THSD7A: variants seen among roughly 807,000 people sequenced by gnomAD.
The protein encoded by THSD7A is thrombospondin type 1 domain containing 7A.
A neutral mutation model predicts 231.3 loss-of-function variants in THSD7A; 96 were observed. The ratio of observed to expected loss-of-function variants is 0.41; its 90% confidence interval spans 0.35 to 0.49. THSD7A has a LOEUF of 0.49. THSD7A is among the 20% of genes least tolerant of loss of function. The pLI is 0.05. For missense variants in THSD7A, 2,290 were observed against 2,070.2 expected (o/e 1.11, Z -2.06); for synonymous variants, 940 against 743.3 (o/e 1.26, Z -4.30).
At chr7:11,830,938 C>G (rs1246655326) in intron 1 of THSD7A, among the ~76,000 whole-genome samples, 1 of 152,132 alleles carries the variant, frequency 6.6e-6, no homozygotes, top group Admixed American at 6.5e-5. Flanking sequence ...AGTTTCAGGT[C>G]CCCTAAGGAA....
rs1783589384 is a variant in THSD7A, at chr7:11,406,554, CACT to C, written c.4063-83_4063-81del. ...GCTCATCACTTAGTTATCTCTGCAC[CACT>C]GACTTTGATTTATGAACATTTAGAG... On this transcript the variant is annotated intron_variant, in intron 21 of 27. Coordinates refer to ENST00000423059, the MANE Select transcript of THSD7A (RefSeq NM_015204.3). The surrounding 1 kb of genome is among the most constrained non-coding windows in gnomAD (Gnocchi z 4.7). The C allele has an allele frequency of 2.2e-6, 3 of 1,377,720 alleles. No homozygotes were observed. In the South Asian group the frequency reaches 4.6e-5, roughly 21 times the overall value. The allele number at this position is 1,377,720 out of a possible 1,614,324, so 85.3% of individuals were successfully genotyped here. A position where few individuals can be genotyped will look rare whatever the true frequency, so the allele number is the denominator to read the frequency against.
At chr7:11,635,600 G>T (rs116829767) in intron 2 of THSD7A, among the ~76,000 whole-genome samples, 150 of 152,208 alleles carry the variant, frequency 9.9e-4, no homozygotes, top group African/African-American at 3.4e-3. Context: ...TTGGCTGGTT[G>T]CTGTTTCCTT....
chr7:11,676,737 C>A (rs541383693), intron 1 of THSD7A, among the ~76,000 whole-genome samples: 3 of 151,982 alleles, frequency 2.0e-5, no homozygotes, highest in African/African-American at 2.4e-5. Context: ...TGAAAAGGAA[C>A]AAACAAAGCC....
intron 1 of THSD7A, among the ~76,000 whole-genome samples, chr7:11,671,243 C>A (rs1438151927): frequency 3.3e-5 from 5 of 152,116 alleles, no homozygotes; most frequent in Admixed American, 6.6e-5. Context: ...ATGGCCAGCT[C>A]CTTTGATAGC....
At position 11,766,754 on chromosome 7, in the gene THSD7A, G is replaced by A. The variant is rs188714722; in HGVS notation, c.190+65003C>T. Among the ~76,000 whole-genome samples, 28 of 152,274 alleles carry A rather than the reference G, an allele frequency of 1.8e-4. No homozygotes were observed. In the East Asian group the frequency reaches 5.4e-3, roughly 29 times the overall value. On this transcript the variant is annotated intron_variant, in intron 1 of 27. Transcript: ENST00000423059. The stretch of plus-strand genomic sequence containing the variant: ...TAAATGCCATTGAGAACAGAGGCAG[G>A]CAGAGGACTCAGATTGGTGGAGAAC...
chr7:11,750,967 C>T (rs1224382044), intron 1 of THSD7A, among the ~76,000 whole-genome samples: 1 of 151,944 alleles, frequency 6.6e-6, no homozygotes, highest in Non-Finnish European at 1.5e-5. Context: ...CCATCTACCT[C>T]CTGTCCAAGA....
chr7:11,549,261 T>C (rs561567428), intron 4 of THSD7A, among the ~76,000 whole-genome samples: 24 of 152,216 alleles, frequency 1.6e-4, no homozygotes, highest in African/African-American at 5.5e-4. Context: ...GGCAAGGTTG[T>C]GGAGAAATAG....
At chr7:11,466,384 A>C (rs1038320316) in intron 9 of THSD7A, among the ~76,000 whole-genome samples, 1 of 152,148 alleles carries the variant, frequency 6.6e-6, no homozygotes, top group African/African-American at 2.4e-5. Flanking sequence ...CATGCCATTT[A>C]CTTTATTTTC....
intron 1 of THSD7A, among the ~76,000 whole-genome samples, chr7:11,673,641 C>A (rs1783498653): frequency 6.6e-6 from 1 of 152,174 alleles, no homozygotes; most frequent in African/African-American, 2.4e-5. Flanking sequence ...GCCTCCACTG[C>A]CCCACACAGA....
intron 2 of THSD7A, among the ~76,000 whole-genome samples, chr7:11,621,590 G>A (rs1562776149): frequency 6.6e-6 from 1 of 151,892 alleles, no homozygotes; most frequent in Admixed American, 6.6e-5. Flanking sequence ...ACAGAGTTTA[G>A]TCTTTGTCAT....
At chr7:11,647,685 G>A (rs1782334560) in intron 1 of THSD7A, among the ~76,000 whole-genome samples, 1 of 152,062 alleles carries the variant, frequency 6.6e-6, no homozygotes, top group Admixed American at 6.6e-5. Flanking sequence ...TGCTGGAGAA[G>A]GCACTGTAGC....
chr7:11,562,867 T>C (rs1453314360), intron 4 of THSD7A, among the ~76,000 whole-genome samples: 2 of 152,238 alleles, frequency 1.3e-5, no homozygotes, highest in East Asian at 3.8e-4. Flanking sequence ...GTTTTGTTTT[T>C]ACTGTTTTGT....
In THSD7A at chr7:11,544,341, A is replaced by G. The variant is rs139692181; in HGVS notation, c.1454-1224T>C. Among the ~76,000 whole-genome samples, 420 of 148,274 alleles carry G rather than the reference A, an allele frequency of 2.8e-3. 2 individuals carry two copies. Among genetic ancestry groups the G allele is most frequent in the African/African-American group, 1.0e-2 (405 of 40,640 alleles). On this transcript the variant is annotated intron_variant, in intron 4 of 27. Coordinates refer to ENST00000423059, the MANE Select transcript of THSD7A (RefSeq NM_015204.3). The stretch of plus-strand genomic sequence containing the variant: ...TGGCAACAGAGCGAGACACAGTCGG[A>G]AAAAAAAAAAGTCATTTTCTTGGTC...
intron 2 of THSD7A, among the ~76,000 whole-genome samples, chr7:11,620,751 A>G (rs1365525341): frequency 2.6e-5 from 4 of 152,226 alleles, no homozygotes; most frequent in Admixed American, 2.6e-4. Context: ...AATCAAATTA[A>G]TCTAGCACAA....
intron 6 of THSD7A, among the ~76,000 whole-genome samples, chr7:11,510,230 G>A (rs1787747086): frequency 6.6e-6 from 1 of 152,164 alleles, no homozygotes; most frequent in Non-Finnish European, 1.5e-5. Context: ...CCAGGAAGAA[G>A]CTGAATCCCT....
At chr7:11,680,453 C>T (rs10268880) in intron 1 of THSD7A, among the ~76,000 whole-genome samples, 4,818 of 152,242 alleles carry the variant, frequency 0.032, 266 homozygotes, top group African/African-American at 0.11. Flanking sequence ...ATGTATCCAT[C>T]TGACAAAGGG....
chr7:11,806,177 C>T (rs1029315643), intron 1 of THSD7A, among the ~76,000 whole-genome samples: 3 of 152,126 alleles, frequency 2.0e-5, no homozygotes, highest in Non-Finnish European at 4.4e-5. Context: ...GTAAGTCTTC[C>T]TCTGAGGGTT....
rs1163576430 is a variant in THSD7A, at chr7:11,814,812, T to C, written c.190+16945A>G. Among the ~76,000 whole-genome samples, 1 of 152,156 alleles carries C rather than the reference T, an allele frequency of 6.6e-6. No individual in the cohort carries two copies. Among genetic ancestry groups the C allele is most frequent in the Non-Finnish European group, 1.5e-5 (1 of 68,022 alleles). ...TGACTCTCCCATTAGAGGTATGTAG[T>C]CACCACAGCAAACTCTCAAAAGAAG... On this transcript the variant is annotated intron_variant, in intron 1 of 27. Transcript: ENST00000423059. This position sits in a 1 kb window ranked among gnomAD's most constrained non-coding sequence, Gnocchi z 5.1.
intron 24 of THSD7A, 33 bp from the exon 25 acceptor site, chr7:11,379,745 A>G: frequency 4.5e-6 from 7 of 1,550,608 alleles, no homozygotes; most frequent in South Asian, 3.6e-5. Flanking sequence ...TTGACAAATA[A>G]TATATTTTGC....
Sources: gnomAD v4.1 joint callset for allele counts (sites outside exome capture counted in the v4.1 genomes callset) on GRCh38, gnomAD v4.1.1 for gene constraint, Gnocchi (gnomAD v3.1) non-coding constraint, MANE v1.5 for transcripts, NCBI Gene and HGNC (gene_info 2026-07-23, HGNC 2026-07-21) for gene names.